Variants in FBXW4 observed in about 807,000 individuals in gnomAD.
The protein encoded by FBXW4 is F-box and WD repeat domain containing 4, also known as F-box/WD repeat-containing protein 4.
FBXW4 carries 40 observed loss-of-function variants against 61.8 expected under a neutral mutation model. The ratio of observed to expected loss-of-function variants is 0.65; its 90% CI spans 0.50 to 0.84. The LOEUF (loss-of-function observed/expected upper bound fraction) is 0.84. Among genes scored for constraint, FBXW4 ranks in the 40% least tolerant of loss-of-function variants. The pLI, the probability that FBXW4 is intolerant of heterozygous loss-of-function variation, is 0.00. For synonymous variants in FBXW4, 311 were observed against 313.8 expected (o/e 0.99, Z 0.10); for missense variants, 672 against 753.8 (o/e 0.89, Z 1.27).
At chr10:101,679,409 T>C (rs1269716892) in intron 1 of FBXW4, among the ~76,000 whole-genome samples, 1 of 152,212 alleles carries the variant, frequency 6.6e-6, no homozygotes, top group African/African-American at 2.4e-5. Flanking sequence ...TATATTCTTT[T>C]CAATTGGAAA....
intron 1 of FBXW4, among the ~76,000 whole-genome samples, chr10:101,679,357 G>C (rs752381201): frequency 6.6e-6 from 1 of 152,186 alleles, no homozygotes; most frequent in Non-Finnish European, 1.5e-5. Flanking sequence ...ATATCAGTAA[G>C]TGCTCATAAA....
chr10:101,624,854 A>C (rs769000141), intron 5 of FBXW4, 44 bp from the exon 6 acceptor site: 1 of 1,602,358 alleles, frequency 6.2e-7, no homozygotes, highest in Non-Finnish European at 8.6e-7. Flanking sequence ...GCTTGTCAGA[A>C]CCTGTGGTGG....
In FBXW4 at chr10:101,691,227, G is replaced by A. The variant is rs959240634; in HGVS notation, c.725+3154C>T. Among the ~76,000 whole-genome samples the A allele has an allele frequency of 5.3e-5, 8 of 152,194 alleles. No individual in the cohort carries two copies. The South Asian group carries it at 6.2e-4, about 12-fold the overall frequency. ...CTTGCTGTACTTTGGGCCCGGGTTC[G>A]CTGACTCCCTAAGTGGACTGGGGTG... On this transcript the variant is annotated intron_variant, in intron 1 of 8. Coordinates refer to ENST00000331272, the MANE Select transcript of FBXW4 (RefSeq NM_022039.4).
At chr10:101,612,176 C>A (rs1421067222) in intron 7 of FBXW4, among the ~76,000 whole-genome samples, 161 bp downstream of exon 7, 1 of 152,234 alleles carries the variant, frequency 6.6e-6, no homozygotes, top group Non-Finnish European at 1.5e-5. Context: ...GGGACCAGGG[C>A]TGCCCAAATG....
Position 101,676,421 on chromosome 10 carries a change from T to C in FBXW4, c.741A>G (p.Pro247=). Residue 247 remains proline (P), a synonymous_variant, in exon 2 of 9, where the codon CCA becomes CCG. Transcript: ENST00000331272. ...RLGTDLMTSV[P]VKERVKVSQN... ...GAGACACCTTCACTCGTTCCTTCAC[T>C]GGGACACTGGTCATCCTATGTCCAG... is the stretch of plus-strand genomic sequence containing the variant. The C allele has an allele frequency of 6.2e-7, 1 of 1,613,386 alleles. No homozygotes were observed. Among genetic ancestry groups the C allele is most frequent in the Non-Finnish European group, 8.5e-7 (1 of 1,179,692 alleles).
chr10:101,653,148 T>C (rs1198451228), intron 5 of FBXW4, among the ~76,000 whole-genome samples: 1 of 152,134 alleles, frequency 6.6e-6, no homozygotes, highest in East Asian at 1.9e-4. Flanking sequence ...CCTCTCTCCC[T>C]GATGTGCAGT....
chr10:101,641,596 C>A (rs2134845236), intron 5 of FBXW4, among the ~76,000 whole-genome samples: 1 of 150,280 alleles, frequency 6.7e-6, no homozygotes, highest in East Asian at 2.0e-4. Context: ...AGAAACCAAG[C>A]AGAAAATTCA....
At chr10:101,663,970 A>G (rs928837610) in intron 5 of FBXW4, among the ~76,000 whole-genome samples, 5 of 152,180 alleles carry the variant, frequency 3.3e-5, no homozygotes, top group African/African-American at 1.2e-4. Flanking sequence ...GGCAGAAGAA[A>G]AGGTCCTTGC....
intron 6 of FBXW4, among the ~76,000 whole-genome samples, chr10:101,618,475 G>T (rs1448037188): frequency 6.6e-6 from 1 of 152,196 alleles, no homozygotes; most frequent in Non-Finnish European, 1.5e-5. Flanking sequence ...GCATCTGTTA[G>T]GATGGGTGAG....
intron 1 of FBXW4, among the ~76,000 whole-genome samples, chr10:101,689,163 C>T (rs1215477183): frequency 6.6e-6 from 1 of 151,912 alleles, no homozygotes; most frequent in African/African-American, 2.4e-5. Flanking sequence ...TATGGAGTAC[C>T]GAAATATTTT....
chr10:101,670,014 C>A (rs942681101), intron 4 of FBXW4, among the ~76,000 whole-genome samples: 8 of 152,122 alleles, frequency 5.3e-5, no homozygotes, highest in Non-Finnish European at 1.0e-4. Context: ...CTCAGCCTCC[C>A]AAAGTCCTGG....
chr10:101,612,774 TG>T, intron 6 of FBXW4, among the ~76,000 whole-genome samples: 1 of 150,062 alleles, frequency 6.7e-6, no homozygotes, highest in East Asian at 2.0e-4. Flanking sequence ...GGACAATGAA[TG>T]GGGGGGCTTG....
At chr10:101,628,046 T>G (rs1421937375) in intron 5 of FBXW4, 9 of 901,836 alleles carry the variant, frequency 1.0e-5, no homozygotes, top group Non-Finnish European at 1.2e-5. Context: ...CTCACGGTGC[T>G]GGCTCCTGTG....
chr10:101,644,355 T>C (rs1362081360), intron 5 of FBXW4, among the ~76,000 whole-genome samples: 1 of 152,172 alleles, frequency 6.6e-6, no homozygotes, highest in Non-Finnish European at 1.5e-5. Context: ...ATTACCTACA[T>C]TGTCATCCTC....
chr10:101,617,083 C>G lies in FBXW4; in HGVS notation c.1302-4606G>C, dbSNP rs146469941. Among the ~76,000 whole-genome samples the G allele has an allele frequency of 1.3e-5, 2 of 152,104 alleles. 1 individual carries two copies. Among genetic ancestry groups the G allele is most frequent in the Admixed American group, 1.3e-4 (2 of 15,276 alleles). On this transcript the variant is annotated intron_variant, in intron 6 of 8. Transcript: ENST00000331272. Reference sequence around the variant, plus strand: ...GGTTACCTGGTGGCAGAGTAGCCACCGCAGCAACAGCTCACATATCCTGAG... The same window carrying G: ...GGTTACCTGGTGGCAGAGTAGCCACGGCAGCAACAGCTCACATATCCTGAG...
intron 5 of FBXW4, among the ~76,000 whole-genome samples, chr10:101,656,799 T>C (rs1467773806): frequency 1.3e-5 from 2 of 152,192 alleles, no homozygotes; most frequent in African/African-American, 4.8e-5. Context: ...AAACATGCTC[T>C]AACATTATTT....
Position 101,611,883 on chromosome 10 carries a change from A to G in FBXW4, c.1443-114T>C, listed in dbSNP as rs2063789714. On this transcript the variant is annotated intron_variant, in intron 7 of 8. Transcript: ENST00000331272. The surrounding 1 kb of genome is among the most constrained non-coding windows in gnomAD (Gnocchi z 4.9). Reference sequence around the variant, plus strand: ...CGTTAAGGAGCCATTCCGGGATGGAAGAGAAAGAAGCCTAAATCATCAGAT... The same window carrying G: ...CGTTAAGGAGCCATTCCGGGATGGAGGAGAAAGAAGCCTAAATCATCAGAT... The G allele has an allele frequency of 4.8e-6, 6 of 1,247,642 alleles. No individual in the cohort carries two copies. Among genetic ancestry groups the G allele is most frequent in the African/African-American group, 1.5e-5 (1 of 66,160 alleles). The allele number at this position is 1,247,642 out of a possible 1,614,324, so 77.3% of individuals were successfully genotyped here.
At chr10:101,626,400 CAT>C (rs912699978) in intron 5 of FBXW4, 4 of 152,662 alleles carry the variant, frequency 2.6e-5, no homozygotes, top group African/African-American at 9.6e-5. Context: ...GGGCTGGAAA[CAT>C]AATAGCCACT....
At chr10:101,617,066 G>C (rs754445770) in intron 6 of FBXW4, among the ~76,000 whole-genome samples, 1 of 152,110 alleles carries the variant, frequency 6.6e-6, no homozygotes, top group Non-Finnish European at 1.5e-5. Flanking sequence ...TAGGTTACCT[G>C]GTGGCAGAGT....
Sources: gnomAD v4.1 joint callset for allele counts (sites outside exome capture counted in the v4.1 genomes callset) on GRCh38, gnomAD v4.1.1 for gene constraint, Gnocchi (gnomAD v3.1) non-coding constraint, MANE v1.5 for transcripts, NCBI Gene and HGNC (gene_info 2026-07-23, HGNC 2026-07-21) for gene names.